SMG6: variants seen among roughly 807,000 people sequenced by gnomAD.
The protein encoded by SMG6 is SMG6 nonsense mediated mRNA decay factor, also known as telomerase-binding protein EST1A.
Under a neutral mutation model 142.2 loss-of-function variants are expected in SMG6, and 66 were observed. The ratio of observed to expected loss-of-function variants is 0.46; its 90% CI spans 0.38 to 0.57. The LOEUF (loss-of-function observed/expected upper bound fraction) is 0.57, where lower values mean the gene tolerates loss of function less well. Ranked by LOEUF, SMG6 falls within the 20% of genes least tolerant of loss-of-function variation. The probability of loss-of-function intolerance (pLI) is 0.00; values close to 1 mark genes in which losing one functional copy is unlikely to be tolerated. For synonymous variants in SMG6, 779 were observed against 702.4 expected (o/e 1.11, Z -1.72); for missense variants, 1,793 against 1,832.0 (o/e 0.98, Z 0.39).
chr17:2,162,478 C>T (rs1157095019), intron 13 of SMG6, among the ~76,000 whole-genome samples: 1 of 141,690 alleles, frequency 7.1e-6, no homozygotes, highest in African/African-American at 2.6e-5. Flanking sequence ...TGCACCACTG[C>T]ACTCCAGCCT....
Position 2,081,757 on chromosome 17 carries a change from G to A in SMG6, c.3681+53C>T, listed in dbSNP as rs527925672. ...CTGCTCTCTGCCCACATCCTCTCATGCCCTAGACAGCAACCCCCATAGTGG... is the reference window on the plus strand; with the variant it reads ...CTGCTCTCTGCCCACATCCTCTCATACCCTAGACAGCAACCCCCATAGTGG... On this transcript the variant is annotated intron_variant, in intron 15 of 18. Transcript: ENST00000263073. 173 of 1,602,118 alleles carry A rather than the reference G, an allele frequency of 1.1e-4. 1 individual carries two copies. The East Asian group carries it at 2.6e-3, about 24-fold the overall frequency.
At chr17:2,252,431 C>A (rs986587506) in intron 8 of SMG6, among the ~76,000 whole-genome samples, 2 of 151,848 alleles carry the variant, frequency 1.3e-5, no homozygotes, top group East Asian at 3.9e-4. Context: ...GAAGGAGCCA[C>A]GAATATGTTC....
intron 6 of SMG6, 23 bp downstream of exon 6, chr17:2,292,529 C>A (rs1434160627): frequency 6.2e-7 from 1 of 1,611,454 alleles, no homozygotes; most frequent in Admixed American, 1.7e-5. Context: ...AAGCACTTTT[C>A]CCCTGTCCAC....
Position 2,298,987 on chromosome 17 carries a change from T to A in SMG6, c.1766A>T (p.Asp589Val), listed in dbSNP as rs764111595. 8.1e-6 allele frequency: 13 copies of A among 1,614,066 alleles called. No homozygotes were observed. The change falls in exon 2 of 19, where the codon GAC becomes GTC. Residue 589 changes from aspartate (D) to valine (V), a missense_variant. Transcript: ENST00000263073. The part of the protein sequence containing the change: ...QELHRLLRVA[D>V]NQELQLSNLL... ...GTTGCTGAGCTGCAGTTCCTGGTTG[T>A]CAGCCACCCGGAGAAGCCTGTGCAG... is the stretch of plus-strand genomic sequence containing the variant.
chr17:2,116,325 C>T (rs993528593), intron 13 of SMG6, among the ~76,000 whole-genome samples: 18 of 152,094 alleles, frequency 1.2e-4, no homozygotes, highest in Admixed American at 2.6e-4. Context: ...GGGATCCTCC[C>T]GCCTCGGCCT....
At chr17:2,158,687 G>A (rs551359207) in intron 13 of SMG6, among the ~76,000 whole-genome samples, 3 of 152,208 alleles carry the variant, frequency 2.0e-5, no homozygotes, top group South Asian at 4.1e-4. Flanking sequence ...GGAGGCTAAG[G>A]CAGGTAGATC....
Position 2,299,210 on chromosome 17 carries a change from C to T in SMG6, c.1543G>A (p.Gly515Ser), listed in dbSNP as rs1597238490. 1 of 1,613,654 alleles carries T rather than the reference C, an allele frequency of 6.2e-7. No individual in the cohort carries two copies. ...GTATAGGGATACTGGGAGGCAGGGCCTGGTGTCCGGGGGTAATAATAGGGG... is the reference window on the plus strand; with the variant it reads ...GTATAGGGATACTGGGAGGCAGGGCTTGGTGTCCGGGGGTAATAATAGGGG... The part of the protein sequence containing the change: ...DNPYYYPRTP[G>S]PASQYPYTGY... Residue 515 changes from glycine (G) to serine (S), a missense_variant, in exon 2 of 19, where the codon GGC becomes AGC. By Grantham distance (56) the Gly-to-Ser change is moderately conservative (BLOSUM62 0). Around this residue, in one of 3 missense-constraint regions of SMG6, gnomAD observed 1,597 missense variants for 1,584.6 expected, o/e 1.01. Coordinates refer to ENST00000263073, the MANE Select transcript of SMG6 (RefSeq NM_017575.5). The surrounding 1 kb of genome is among the most constrained non-coding windows in gnomAD (Gnocchi z 4.3).
chr17:2,106,497 A>T (rs1287937856), intron 13 of SMG6, among the ~76,000 whole-genome samples: 12 of 152,160 alleles, frequency 7.9e-5, no homozygotes, highest in Admixed American at 7.9e-4. Flanking sequence ...TACAAAGGCT[A>T]TAGTTAGAGA....
Position 2,068,950 on chromosome 17 carries a change from G to C in SMG6, c.3682-19C>G. ...GGACAGCCTATGGGGACAGAGTGGT[G>C]AATGAGCCAGACAGCGAGCAGGCAA... is the stretch of plus-strand genomic sequence containing the variant. On this transcript the variant is annotated intron_variant, in intron 15 of 18. Transcript: ENST00000263073. This position sits in a 1 kb window ranked among gnomAD's most constrained non-coding sequence, Gnocchi z 6.7. The C allele has an allele frequency of 6.2e-7, 1 of 1,612,160 alleles. No individual in the cohort carries two copies. The highest frequency in any genetic ancestry group is 8.5e-7 in the Non-Finnish European group (1 of 1,178,588).
At position 2,061,304 on chromosome 17, in the gene SMG6, C is replaced by T. The variant is rs571264366; in HGVS notation, c.*188G>A. The T allele has an allele frequency of 2.8e-5, 17 of 610,236 alleles. No homozygotes were observed. Among genetic ancestry groups the T allele is most frequent in the Admixed American group, 9.3e-5 (3 of 32,360 alleles). The allele number at this position is 610,236 out of a possible 1,614,324, so 37.8% of individuals were successfully genotyped here. On this transcript the variant is annotated 3_prime_UTR_variant, in exon 19 of 19. Transcript: ENST00000263073. ...CAGGAGGGTCCCAGCAGCTTCCGCC[C>T]GATCCTTGGGAGGGGCTCTGTGAGG...
At chr17:2,277,157 A>ATTTT (rs2074670932) in intron 8 of SMG6, among the ~76,000 whole-genome samples, 8 of 97,068 alleles carry the variant, frequency 8.2e-5, no homozygotes, top group Admixed American at 2.2e-4. Context: ...TTATTTATTT[A>ATTTT]TTTATTTATT....
chr17:2,109,670 T>C (rs1288821317), intron 13 of SMG6, among the ~76,000 whole-genome samples: 1 of 152,326 alleles, frequency 6.6e-6, no homozygotes, highest in East Asian at 1.9e-4. Context: ...AGAACACATA[T>C]AGACACGCAA....
rs576788159 is a variant in SMG6 at position 2,147,920 on chromosome 17, C to T, written c.3357+24738G>A. Among the ~76,000 whole-genome samples, 8 of 152,184 alleles carry T rather than the reference C, an allele frequency of 5.3e-5. No homozygotes were observed. The South Asian group carries it at 1.5e-3, about 28-fold the overall frequency. ...AAAATTAAACACAGATGACCGGGCA[C>T]GGTGCCTCACGCCTTAAATCCCAGT... On this transcript the variant is annotated intron_variant, in intron 13 of 18. Transcript: ENST00000263073.
chr17:2,065,000 C>T, intron 18 of SMG6, 73 bp downstream of exon 18: 1 of 1,225,632 alleles, frequency 8.2e-7, no homozygotes, highest in Non-Finnish European at 1.2e-6. Context: ...GAGCCCTTCT[C>T]AGGGGCTGAG....
chr17:2,179,310 TG>T (rs573007294), intron 12 of SMG6, among the ~76,000 whole-genome samples: 105 of 152,266 alleles, frequency 6.9e-4, no homozygotes, highest in African/African-American at 2.4e-3. Context: ...CTTGAAGGGG[TG>T]CCGATTAGCC....
At chr17:2,074,745 A>G (rs948931599) in intron 15 of SMG6, among the ~76,000 whole-genome samples, 10 of 152,200 alleles carry the variant, frequency 6.6e-5, no homozygotes, top group Admixed American at 6.5e-4. Context: ...GGGCTCAGTC[A>G]CTGGCTCTCA....
chr17:2,145,643 C>CAAAAAAAAAAAAAAAA (rs61451940), intron 13 of SMG6, among the ~76,000 whole-genome samples: 1 of 23,776 alleles, frequency 4.2e-5, no homozygotes, highest in Admixed American at 6.3e-4. Context: ...TCCATCTCCC[C>CAAAAAAAAAAAAAAAA]AAAAAAAAAA....
intron 8 of SMG6, among the ~76,000 whole-genome samples, chr17:2,260,448 C>T (rs951315880): frequency 6.6e-6 from 1 of 152,230 alleles, no homozygotes; most frequent in African/African-American, 2.4e-5. Context: ...TCAATCAAAT[C>T]TTTTCTGTGC....
rs1203935214 is a variant in SMG6 at position 2,085,973 on chromosome 17, C to T, written c.3358-72G>A. On this transcript the variant is annotated intron_variant, in intron 13 of 18. Transcript: ENST00000263073. The surrounding 1 kb of genome is among the most constrained non-coding windows in gnomAD (Gnocchi z 4.1). ...AAGATGGAGACGAGATGTTGCTTGC[C>T]GGCTGAGGGGCACAGGGGAACTGTG... 43 of 1,486,394 alleles carry T rather than the reference C, an allele frequency of 2.9e-5. No individual in the cohort carries two copies. Among genetic ancestry groups the T allele is most frequent in the Middle Eastern group, 1.7e-4 (1 of 5,820 alleles). 92.1% of individuals were successfully genotyped at this position (1,486,394 alleles called of 1,614,324 possible). A position where few individuals can be genotyped will look rare whatever the true frequency, so the allele number is the denominator to read the frequency against.
Sources: gnomAD v4.1 joint callset for allele counts (sites outside exome capture counted in the v4.1 genomes callset) on GRCh38, gnomAD v4.1.1 for gene constraint, gnomAD v4.1.1 regional missense constraint, Gnocchi (gnomAD v3.1) non-coding constraint, MANE v1.5 for transcripts, NCBI Gene and HGNC (gene_info 2026-07-23, HGNC 2026-07-21) for gene names.